PIKFYVE: variants seen among roughly 807,000 people sequenced by gnomAD.
The protein encoded by PIKFYVE is phosphoinositide kinase, FYVE-type zinc finger containing, also known as 1-phosphatidylinositol 3-phosphate 5-kinase.
In PIKFYVE, 122 loss-of-function variants were observed where a neutral mutation model predicts 257.9. The ratio of observed to expected loss-of-function variants is 0.47; its 90% confidence interval spans 0.41 to 0.55. The LOEUF is 0.55. Among genes scored for constraint, PIKFYVE ranks in the 20% least tolerant of loss-of-function variants. The pLI is 0.00. For missense variants in PIKFYVE, 2,160 were observed against 2,536.6 expected, an observed-to-expected ratio of 0.85 and a Z score of 3.19; for synonymous variants, 892 against 868.9, an observed-to-expected ratio of 1.03 and a Z score of -0.47.
At chr2:208,275,240 C>T (rs1301017040) in intron 3 of PIKFYVE, among the ~76,000 whole-genome samples, 2 of 152,236 alleles carry the variant, frequency 1.3e-5, no homozygotes, top group Non-Finnish European at 2.9e-5. Flanking sequence ...GGGCATAGAG[C>T]TAGACCAGAT....
At chr2:208,335,264 G>T (rs746650109) in intron 24 of PIKFYVE, 42 bp from the exon 25 acceptor site, 1 of 1,283,838 alleles carries the variant, frequency 7.8e-7, no homozygotes, top group Non-Finnish European at 1.1e-6. Flanking sequence ...AAGATATTAA[G>T]CTATTTTTCA....
At chr2:208,274,765 A>T (rs537317823) in intron 3 of PIKFYVE, among the ~76,000 whole-genome samples, 1 of 152,176 alleles carries the variant, frequency 6.6e-6, no homozygotes, top group African/African-American at 2.4e-5. Flanking sequence ...GATAATCTCT[A>T]TTTTAACTTT....
chr2:208,271,587 G>T lies in PIKFYVE; in HGVS notation c.68G>T (p.Ser23Ile), dbSNP rs1473585449. The change falls in exon 2 of 42, where the codon AGT (serine) becomes ATT (isoleucine). Residue 23 changes from serine (S) to isoleucine (I), a missense_variant. This residue lies in a region of PIKFYVE where 172 missense variants were observed against 180.6 expected (regional missense o/e 0.95). Coordinates refer to ENST00000264380, the MANE Select transcript of PIKFYVE (RefSeq NM_015040.4). ...AATGATTTGCCTCGATCTCCTACTA[G>T]TCCTTCTCATCTCACACACTTTAAA... ...SANDLPRSPT[S>I]PSHLTHFKPL... The T allele has an allele frequency of 1.2e-6, 2 of 1,614,024 alleles. No individual in the cohort carries two copies. The highest frequency in any genetic ancestry group is 3.3e-5 in the Admixed American group (2 of 60,024).
At chr2:208,341,159 C>T (rs1259284345) in intron 31 of PIKFYVE, among the ~76,000 whole-genome samples, 2 of 151,936 alleles carry the variant, frequency 1.3e-5, no homozygotes, top group East Asian at 3.9e-4. Context: ...AGGTGTGCGC[C>T]ACCACACCTG....
At chr2:208,343,802 A>G (rs1698957489) in intron 32 of PIKFYVE, among the ~76,000 whole-genome samples, 1 of 150,908 alleles carries the variant, frequency 6.6e-6, no homozygotes, top group Non-Finnish European at 1.5e-5. Context: ...GTAAAAATAT[A>G]TAGTATGTCT....
At chr2:208,301,530 A>G (rs1693682196) in intron 9 of PIKFYVE, among the ~76,000 whole-genome samples, 2 of 152,230 alleles carry the variant, frequency 1.3e-5, no homozygotes. Flanking sequence ...CTTTTCAAAT[A>G]CATGTATCCC....
intron 3 of PIKFYVE, among the ~76,000 whole-genome samples, 200 bp from the exon 4 acceptor site, chr2:208,276,512 C>T (rs757379509): frequency 3.3e-5 from 5 of 152,188 alleles, no homozygotes; most frequent in Non-Finnish European, 5.9e-5. Context: ...GCTTGTAAAA[C>T]AGCATTTTAC....
chr2:208,336,260 TCTTAAAA>T (rs1417527974), intron 27 of PIKFYVE, 60 bp downstream of exon 27: 5 of 1,595,970 alleles, frequency 3.1e-6, no homozygotes, highest in Middle Eastern at 1.7e-4. Context: ...TAATGTGATA[TCTTAAAA>T]CTTAAAAATT....
intron 5 of PIKFYVE, among the ~76,000 whole-genome samples, chr2:208,279,100 A>G (rs1180867200): frequency 6.6e-6 from 1 of 152,062 alleles, no homozygotes; most frequent in Non-Finnish European, 1.5e-5. Flanking sequence ...AGCCATTCTG[A>G]TTGGTGTGAG....
chr2:208,293,297 A>T (rs1277775812), intron 7 of PIKFYVE, among the ~76,000 whole-genome samples: 1 of 152,148 alleles, frequency 6.6e-6, no homozygotes, highest in African/African-American at 2.4e-5. Context: ...TGTTGCTATT[A>T]TTTTGAAGAA....
chr2:208,350,948 G>A lies in PIKFYVE; in HGVS notation c.5611+1G>A. 1 of 1,614,100 alleles carries A rather than the reference G, an allele frequency of 6.2e-7. No homozygotes were observed. Among genetic ancestry groups the A allele is most frequent in the South Asian group, 1.1e-5 (1 of 91,078 alleles). Reference sequence around the variant, plus strand: ...GGAGCTGCCTTCTATGCAACTGAGGGTGAGCCTTTCTCATCGTTTATTGAT... The same window carrying A: ...GGAGCTGCCTTCTATGCAACTGAGGATGAGCCTTTCTCATCGTTTATTGAT... On this transcript the variant is annotated splice_donor_variant, in intron 37 of 41. Coordinates refer to ENST00000264380, the MANE Select transcript of PIKFYVE (RefSeq NM_015040.4). LOFTEE classifies it high-confidence loss of function.
intron 17 of PIKFYVE, among the ~76,000 whole-genome samples, chr2:208,321,124 G>A (rs769024832): frequency 7.2e-5 from 11 of 152,106 alleles, no homozygotes; most frequent in African/African-American, 2.7e-4. Flanking sequence ...AGTGCTGAAG[G>A]TATAAAGTTG....
At chr2:208,288,897 A>G (rs1025324424) in intron 7 of PIKFYVE, 79 bp downstream of exon 7, 26 of 1,548,570 alleles carry the variant, frequency 1.7e-5, no homozygotes, top group African/African-American at 2.7e-5. Flanking sequence ...ACGGATAAAA[A>G]GGGTGGGATT....
intron 6 of PIKFYVE, among the ~76,000 whole-genome samples, chr2:208,286,764 C>T (rs1162277979): frequency 1.3e-5 from 2 of 151,872 alleles, no homozygotes; most frequent in African/African-American, 4.8e-5. Flanking sequence ...AAGCGATCCT[C>T]CCACCTCAGC....
intron 12 of PIKFYVE, among the ~76,000 whole-genome samples, chr2:208,308,435 A>C (rs946377917): frequency 6.6e-6 from 1 of 151,882 alleles, no homozygotes; most frequent in Non-Finnish European, 1.5e-5. Flanking sequence ...TATTATTCTT[A>C]GTGGTGAGAA....
intron 10 of PIKFYVE, among the ~76,000 whole-genome samples, chr2:208,303,300 C>CAT (rs1553512516): frequency 9.3e-5 from 14 of 150,446 alleles, no homozygotes; most frequent in Non-Finnish European, 1.6e-4. Context: ...CACACACACA[C>CAT]ATATATATAT....
chr2:208,278,570 C>T (rs187823455), intron 5 of PIKFYVE, among the ~76,000 whole-genome samples: 19 of 152,176 alleles, frequency 1.2e-4, no homozygotes, highest in Admixed American at 1.2e-3. Context: ...TCCCTCCCTG[C>T]TCTAGTAGTC....
rs1698558653 is a variant in PIKFYVE at position 208,340,118 on chromosome 2, A to G, written c.4918A>G (p.Ile1640Val). ...NLLPGNSYNP[I>V]PFPFDPDKHY... ...GCTTCCAGGAAATAGCTATAATCCT[A>G]TTCCATTTCCTTTGTAAGTATTATT... The change falls in exon 31 of 42, where the codon ATT becomes GTT. Residue 1640 changes from isoleucine (I) to valine (V), a missense_variant. Physicochemically the swap from Ile to Val is conservative, Grantham distance 29 (BLOSUM62 3). This residue lies in a region of PIKFYVE where 699 missense variants were observed against 855.8 expected (regional missense o/e 0.82). Transcript: ENST00000264380. The G allele has an allele frequency of 3.1e-6, 5 of 1,614,004 alleles. No homozygotes were observed. Among genetic ancestry groups the G allele is most frequent in the Non-Finnish European group, 3.4e-6 (4 of 1,179,926 alleles).
chr2:208,342,983 T>C (rs10197824), intron 32 of PIKFYVE, among the ~76,000 whole-genome samples: 141,123 of 151,746 alleles, frequency 0.93, 66,151 homozygotes, highest in Non-Finnish European at 0.98. Flanking sequence ...TTAGTAGAGA[T>C]GGGGTTTCAC....
Sources: allele counts gnomAD v4.1 joint callset (sites outside exome capture counted in the v4.1 genomes callset), GRCh38; gene constraint gnomAD v4.1.1; regional missense constraint gnomAD v4.1.1; transcripts MANE v1.5; gene names NCBI Gene and HGNC (gene_info 2026-07-23, HGNC 2026-07-21).